The following ICA1 variants were observed in gnomAD, a reference collection of about 807,000 sequenced individuals.
ICA1 encodes the protein islet cell autoantigen 1.
In ICA1, 40 loss-of-function variants were observed where a neutral mutation model predicts 71.0. That is an observed-to-expected ratio of 0.56 (90% confidence interval 0.44 to 0.73). The LOEUF (loss-of-function observed/expected upper bound fraction) is 0.73, where lower values mean the gene tolerates loss of function less well. ICA1 is among the 30% of genes least tolerant of loss of function. ICA1 has a pLI of 0.00. For synonymous variants in ICA1, 207 were observed against 209.5 expected (o/e 0.99, Z 0.10); for missense variants, 578 against 576.5 (o/e 1.00, Z -0.03).
intron 12 of ICA1, 101 bp downstream of exon 12, chr7:8,138,739 G>T (rs1639418112): frequency 9.9e-7 from 1 of 1,013,940 alleles, no homozygotes; most frequent in South Asian, 1.5e-5. Flanking sequence ...CCTTTGGAAT[G>T]CAAAGCTATT....
At chr7:8,229,387 C>T (rs1340345478) in intron 3 of ICA1, among the ~76,000 whole-genome samples, 1 of 152,198 alleles carries the variant, frequency 6.6e-6, no homozygotes, top group African/African-American at 2.4e-5. Flanking sequence ...GCGGTTCCAG[C>T]CTTTGTTTCA....
chr7:8,125,855 G>A (rs528642023), intron 13 of ICA1, among the ~76,000 whole-genome samples: 14 of 152,292 alleles, frequency 9.2e-5, no homozygotes, highest in Admixed American at 2.0e-4. Flanking sequence ...TTCTCTTTCC[G>A]TAGCATGAGC....
intron 3 of ICA1, among the ~76,000 whole-genome samples, chr7:8,232,137 T>C (rs1800451783): frequency 6.6e-6 from 1 of 152,242 alleles, no homozygotes; most frequent in African/African-American, 2.4e-5. Flanking sequence ...TATTGTTAAC[T>C]AGTCTAACTA....
At chr7:8,140,769 A>C (rs1794938654) in intron 10 of ICA1, among the ~76,000 whole-genome samples, 1 of 152,244 alleles carries the variant, frequency 6.6e-6, no homozygotes, top group Non-Finnish European at 1.5e-5. Context: ...GAGGCAAAAA[A>C]GTGAGTCTTT....
At chr7:8,114,066 T>C in intron 13 of ICA1, 22 bp from the exon 14 acceptor site, 1 of 1,614,060 alleles carries the variant, frequency 6.2e-7, no homozygotes, top group Non-Finnish European at 8.5e-7. Flanking sequence ...AGAGGAAACA[T>C]GAGCAAACGC....
intron 6 of ICA1, among the ~76,000 whole-genome samples, chr7:8,182,365 G>A (rs12539902): frequency 0.44 from 67,479 of 152,042 alleles, 18,502 homozygotes; most frequent in South Asian, 0.68. Context: ...AGCAGTGAGT[G>A]CCTGGTTCAC....
chr7:8,246,948 G>A (rs893992610), intron 1 of ICA1, among the ~76,000 whole-genome samples: 10 of 152,014 alleles, frequency 6.6e-5, no homozygotes, highest in Non-Finnish European at 1.2e-4. Context: ...GGGTTTCACC[G>A]TGTTAGCCAG....
chr7:8,243,932 G>A (rs927346790), intron 1 of ICA1, among the ~76,000 whole-genome samples: 4 of 152,142 alleles, frequency 2.6e-5, no homozygotes, highest in Middle Eastern at 3.2e-3. Context: ...ACAAACAAAT[G>A]GAAGAACATT....
At chr7:8,127,084 C>T (rs1013707265) in intron 13 of ICA1, among the ~76,000 whole-genome samples, 60 of 152,112 alleles carry the variant, frequency 3.9e-4, no homozygotes, top group African/African-American at 1.0e-3. Context: ...AGCGATTCTC[C>T]TGCCTCAGCC....
Position 8,113,349 on chromosome 7 carries a change from C to T in ICA1, c.*574G>A, listed in dbSNP as rs1057947. The T allele has an allele frequency of 6.6e-6, 1 of 152,410 alleles. No homozygotes were observed. The highest frequency in any genetic ancestry group is 2.4e-5 in the African/African-American group (1 of 41,400). The allele number at this position is 152,410 out of a possible 1,614,324, so 9.4% of individuals were successfully genotyped here. ...TCCATAGTAAGGTTTGTGCCTTGGACAGAAGCCCAGCTCCTCCACCAGTGT... is the reference window on the plus strand; with the variant it reads ...TCCATAGTAAGGTTTGTGCCTTGGATAGAAGCCCAGCTCCTCCACCAGTGT... On this transcript the variant is annotated 3_prime_UTR_variant, in exon 14 of 14. Transcript: ENST00000402384. The surrounding 1 kb of genome is among the most constrained non-coding windows in gnomAD (Gnocchi z 4.2).
intron 13 of ICA1, among the ~76,000 whole-genome samples, chr7:8,121,534 C>T (rs897937072): frequency 1.3e-4 from 19 of 151,948 alleles, no homozygotes; most frequent in African/African-American, 4.6e-4. Context: ...TACTCATTTG[C>T]GGGAGCTAAA....
intron 3 of ICA1, 70 bp downstream of exon 3, chr7:8,232,520 G>T: frequency 7.6e-7 from 1 of 1,311,664 alleles, no homozygotes. Context: ...CTCTGCCTCA[G>T]TGAGTATACT....
intron 13 of ICA1, among the ~76,000 whole-genome samples, chr7:8,119,609 G>C (rs981575362): frequency 3.9e-5 from 6 of 152,204 alleles, no homozygotes; most frequent in Non-Finnish European, 7.3e-5. Flanking sequence ...ACTTTGGGAA[G>C]CCAAAGCAGG....
intron 1 of ICA1, among the ~76,000 whole-genome samples, chr7:8,248,190 G>C (rs1275694559): frequency 1.3e-5 from 2 of 152,130 alleles, no homozygotes; most frequent in Non-Finnish European, 2.9e-5. Flanking sequence ...CTTCCATTCA[G>C]TGGGTAGCTT....
rs186488574 is a variant in ICA1, at chr7:8,220,087, A to T, written c.380+1188T>A. On this transcript the variant is annotated intron_variant, in intron 5 of 13. Transcript: ENST00000402384. ...CTTTTTGGTTTGTCTCTATTTTAAA[A>T]TTTTTCTAGAATGAATATGTATTTT... Among the ~76,000 whole-genome samples, 381 of 152,302 alleles carry T rather than the reference A, an allele frequency of 2.5e-3. 7 individuals are homozygous for T. The highest frequency in any genetic ancestry group is 6.5e-4 in the Non-Finnish European group (44 of 68,028).
chr7:8,136,762 CA>C (rs1793559057), intron 12 of ICA1, among the ~76,000 whole-genome samples: 1 of 152,202 alleles, frequency 6.6e-6, no homozygotes, highest in Non-Finnish European at 1.5e-5. Context: ...CCTATCTTTA[CA>C]ATTACATAGA....
At chr7:8,141,741 T>A (rs1298613793) in intron 10 of ICA1, 24 bp downstream of exon 10, 2 of 1,436,580 alleles carry the variant, frequency 1.4e-6, no homozygotes, top group African/African-American at 2.8e-5. Context: ...TCAGAAGCAA[T>A]TCTAAATAAA....
chr7:8,252,731 T>G (rs1364586836), intron 1 of ICA1, among the ~76,000 whole-genome samples: 1 of 151,076 alleles, frequency 6.6e-6, no homozygotes, highest in Non-Finnish European at 1.5e-5. Flanking sequence ...TATTACATAT[T>G]TACATATGTA....
chr7:8,237,825 C>T (rs1166030090), intron 1 of ICA1, among the ~76,000 whole-genome samples: 1 of 150,318 alleles, frequency 6.7e-6, no homozygotes, highest in African/African-American at 2.5e-5. Context: ...GACAGACACA[C>T]ACACACACAC....
Sources: allele counts gnomAD v4.1 joint callset (sites outside exome capture counted in the v4.1 genomes callset), GRCh38; gene constraint gnomAD v4.1.1; non-coding constraint Gnocchi (gnomAD v3.1); transcripts MANE v1.5; gene names NCBI Gene and HGNC (gene_info 2026-07-23, HGNC 2026-07-21).